Variants in SNAPC1 observed in about 807,000 individuals in gnomAD.
SNAPC1 encodes the protein small nuclear RNA activating complex polypeptide 1, also known as snRNA-activating protein complex subunit 1.
SNAPC1 carries 42 observed loss-of-function variants against 50.1 expected under a neutral mutation model. That is an observed-to-expected ratio of 0.84 (90% CI 0.65 to 1.08). SNAPC1 has a LOEUF of 1.08. Among genes scored for constraint, SNAPC1 ranks in the 50% least tolerant of loss-of-function variants. The pLI is 0.00. For missense variants in SNAPC1, 477 were observed against 427.3 expected (o/e 1.12, Z -1.02); for synonymous variants, 164 against 144.2 (o/e 1.14, Z -0.98).
chr14:61,762,717 A>AT, intron 1 of SNAPC1, 129 bp downstream of exon 1: 1 of 995,364 alleles, frequency 1.0e-6, no homozygotes, highest in Non-Finnish European at 1.5e-6. Flanking sequence ...TGCCTCCATG[A>AT]CTCCTGGACC....
chr14:61,794,560 C>A (rs1356372924), intron 9 of SNAPC1, among the ~76,000 whole-genome samples: 5 of 152,122 alleles, frequency 3.3e-5, no homozygotes, highest in Admixed American at 1.3e-4. Flanking sequence ...CATGTACCAC[C>A]ACGCCCGGCT....
intron 8 of SNAPC1, among the ~76,000 whole-genome samples, chr14:61,783,127 ATTCTCCTG>A (rs757751349): frequency 2.7e-5 from 4 of 149,904 alleles, no homozygotes; most frequent in Non-Finnish European, 5.9e-5. Context: ...GGTCCAAGCA[ATTCTCCTG>A]CCTCAGCCTC....
intron 4 of SNAPC1, among the ~76,000 whole-genome samples, chr14:61,772,804 A>G (rs1469285907): frequency 6.6e-6 from 1 of 152,254 alleles, no homozygotes; most frequent in Non-Finnish European, 1.5e-5. Flanking sequence ...GGGTTGATGA[A>G]CAAAGGTCTA....
At chr14:61,792,514 C>T (rs1333782278) in intron 8 of SNAPC1, among the ~76,000 whole-genome samples, 1 of 152,116 alleles carries the variant, frequency 6.6e-6, no homozygotes, top group Non-Finnish European at 1.5e-5. Flanking sequence ...TAACCCCTGT[C>T]ATGTGTGGTA....
chr14:61,776,843 C>T (rs1385123058), intron 5 of SNAPC1, among the ~76,000 whole-genome samples: 1 of 152,184 alleles, frequency 6.6e-6, no homozygotes, highest in Non-Finnish European at 1.5e-5. Context: ...TTGCAAGTCT[C>T]ATCAACACAG....
chr14:61,778,416 T>C (rs1594647755), intron 6 of SNAPC1, among the ~76,000 whole-genome samples: 1 of 152,222 alleles, frequency 6.6e-6, no homozygotes, highest in East Asian at 1.9e-4. Context: ...TAATATATCT[T>C]TTCTCACTTG....
intron 7 of SNAPC1, among the ~76,000 whole-genome samples, chr14:61,779,819 C>T (rs2045059311): frequency 6.6e-6 from 1 of 151,500 alleles, no homozygotes; most frequent in African/African-American, 2.4e-5. Context: ...AGTGATTCTC[C>T]TGCCTCAGCC....
At chr14:61,767,437 G>A (rs2044956465) in intron 3 of SNAPC1, 85 bp downstream of exon 3, 3 of 845,378 alleles carry the variant, frequency 3.5e-6, no homozygotes, top group East Asian at 6.0e-5. Flanking sequence ...CCAGAAAATG[G>A]AATAAGTATT....
intron 8 of SNAPC1, among the ~76,000 whole-genome samples, chr14:61,786,305 C>A (rs533820480): frequency 8.5e-5 from 13 of 152,122 alleles, no homozygotes; most frequent in African/African-American, 3.1e-4. Context: ...GATAAATTGG[C>A]ATTCTCAAAG....
At position 61,782,253 on chromosome 14, in the gene SNAPC1, A is replaced by C; in HGVS notation, c.832A>C (p.Lys278Gln). Residue 278 changes from lysine (K) to glutamine (Q), a missense_variant, in exon 8 of 10, where the codon AAA (lysine) becomes CAA (glutamine). Coordinates refer to ENST00000216294, the MANE Select transcript of SNAPC1 (RefSeq NM_003082.4). ...KAFSVVIQAS[K>Q]SRRHRQVKLD... is the part of the protein sequence containing the mutation. Reference sequence around the variant, plus strand: ...TTGGATTGTAACTCTTAAGGCATCCAAATCAAGAAGGCATCGTCAAGTCAA... The same window carrying C: ...TTGGATTGTAACTCTTAAGGCATCCCAATCAAGAAGGCATCGTCAAGTCAA... 7.5e-6 allele frequency: 12 copies of C among 1,590,822 alleles called. No homozygotes were observed. Among genetic ancestry groups the C allele is most frequent in the Non-Finnish European group, 1.0e-5 (12 of 1,173,026 alleles).
chr14:61,767,452 G>C (rs762818834), intron 3 of SNAPC1, 100 bp downstream of exon 3: 4 of 694,000 alleles, frequency 5.8e-6, no homozygotes, highest in Non-Finnish European at 2.1e-6. Context: ...AGTATTGATA[G>C]TGTTCAAGAC....
chr14:61,769,765 A>G (rs1182851812), intron 4 of SNAPC1, among the ~76,000 whole-genome samples: 2 of 152,058 alleles, frequency 1.3e-5, no homozygotes, highest in African/African-American at 2.4e-5. Context: ...TTGATAATAT[A>G]TTTTCGTATT....
Position 61,794,958 on chromosome 14 carries a change from C to T in SNAPC1, c.1082C>T (p.Ala361Val), listed in dbSNP as rs1294540605. Reference protein sequence around the residue: ...NESLSGTEFTASKKRRKH With the variant: ...NESLSGTEFTVSKKRRKH Reference sequence around the variant, plus strand: ...AACTTTATGTCTTTAGAGTTCACTGCATCCAAGAAGAGGAGAAAACACTGA... The same window carrying T: ...AACTTTATGTCTTTAGAGTTCACTGTATCCAAGAAGAGGAGAAAACACTGA... Residue 361 changes from alanine to valine, a missense_variant, in exon 10 of 10, where the codon GCA becomes GTA. Coordinates refer to ENST00000216294, the MANE Select transcript of SNAPC1 (RefSeq NM_003082.4). 4.4e-6 allele frequency: 7 copies of T among 1,581,598 alleles called. No homozygotes were observed. In the East Asian group the frequency reaches 1.3e-4, roughly 30 times the overall value.
At chr14:61,774,392 T>A (rs553463863) in intron 4 of SNAPC1, among the ~76,000 whole-genome samples, 1 of 152,164 alleles carries the variant, frequency 6.6e-6, no homozygotes, top group Non-Finnish European at 1.5e-5. Flanking sequence ...TTTGTTCATT[T>A]TGTACAAATG....
chr14:61,788,692 A>AG (rs2045131653), intron 8 of SNAPC1, among the ~76,000 whole-genome samples: 1 of 152,220 alleles, frequency 6.6e-6, no homozygotes, highest in Non-Finnish European at 1.5e-5. Flanking sequence ...GTGTGAGGAA[A>AG]TAAAATCTCA....
At position 61,767,339 on chromosome 14, in the gene SNAPC1, C is replaced by T; in HGVS notation, c.416C>T (p.Ala139Val). Residue 139 changes from alanine to valine, a missense_variant, in exon 3 of 10, where the codon GCA becomes GTA. Coordinates refer to ENST00000216294, the MANE Select transcript of SNAPC1 (RefSeq NM_003082.4). Reference sequence around the variant, plus strand: ...CTAGACAGAGCATTTCACTTTACAGCAATGCCCAAATTGGTATGTTGCCTA... The same window carrying T: ...CTAGACAGAGCATTTCACTTTACAGTAATGCCCAAATTGGTATGTTGCCTA... ...LRLDRAFHFT[A>V]MPKLLSYRMK... The T allele has an allele frequency of 6.8e-7, 1 of 1,466,836 alleles. No individual in the cohort carries two copies. The allele number at this position is 1,466,836 out of a possible 1,614,324, so 90.9% of individuals were successfully genotyped here.
At chr14:61,785,345 G>A (rs528967077) in intron 8 of SNAPC1, among the ~76,000 whole-genome samples, 15 of 152,288 alleles carry the variant, frequency 9.8e-5, no homozygotes, top group Non-Finnish European at 1.9e-4. Context: ...GTTGCGGTGA[G>A]CCAAGATCGC....
At chr14:61,762,790 C>T (rs1229653425) in intron 1 of SNAPC1, among the ~76,000 whole-genome samples, 1 of 151,916 alleles carries the variant, frequency 6.6e-6, no homozygotes, top group Non-Finnish European at 1.5e-5. Flanking sequence ...ATGGTTGTTG[C>T]GGCCTCCTCC....
In SNAPC1 at chr14:61,794,991, G is replaced by C; in HGVS notation, c.*8G>C. On this transcript the variant is annotated 3_prime_UTR_variant, in exon 10 of 10. Transcript: ENST00000216294. Reference sequence around the variant, plus strand: ...AAGAGGAGAAAACACTGAACAAAGAGCCTGGTGTAGTTTTTAATTTTGAGT... The same window carrying C: ...AAGAGGAGAAAACACTGAACAAAGACCCTGGTGTAGTTTTTAATTTTGAGT... The C allele has an allele frequency of 6.4e-7, 1 of 1,559,716 alleles. No individual in the cohort carries two copies. Among genetic ancestry groups the C allele is most frequent in the Non-Finnish European group, 8.7e-7 (1 of 1,153,758 alleles).
Sources: gnomAD v4.1 joint callset for allele counts (sites outside exome capture counted in the v4.1 genomes callset) on GRCh38, gnomAD v4.1.1 for gene constraint, MANE v1.5 for transcripts, NCBI Gene and HGNC (gene_info 2026-07-23, HGNC 2026-07-21) for gene names.